The following GPM6A variants were observed in gnomAD, a reference collection of about 807,000 sequenced individuals.
GPM6A encodes neuronal membrane glycoprotein M6-a.
In GPM6A, 7 loss-of-function variants were observed where a neutral mutation model predicts 32.1. The observed-to-expected ratio is 0.22, with a 90% CI of 0.12 to 0.41. The LOEUF (loss-of-function observed/expected upper bound fraction) is 0.41. Ranked by LOEUF, GPM6A falls within the 10% of genes least tolerant of loss-of-function variation. The probability of loss-of-function intolerance (pLI) is 1.00; values close to 1 mark genes in which losing one functional copy is unlikely to be tolerated. For missense variants in GPM6A, 235 were observed against 347.2 expected (o/e 0.68, Z 2.57); for synonymous variants, 130 against 123.4 (o/e 1.05, Z -0.35).
chr4:175,914,088 G>T (rs1384352143), intron 1 of GPM6A, among the ~76,000 whole-genome samples: 1 of 151,894 alleles, frequency 6.6e-6, no homozygotes, highest in African/African-American at 2.4e-5. Context: ...CCCTAAGAGG[G>T]TTTTTAGGGC....
intron 1 of GPM6A, among the ~76,000 whole-genome samples, chr4:175,828,737 A>G (rs891344459): frequency 2.6e-5 from 4 of 152,184 alleles, no homozygotes; most frequent in African/African-American, 9.7e-5. Flanking sequence ...AAGTAGACTT[A>G]TAGAACCCAT....
At chr4:175,637,673 TA>T (rs1162391241) in intron 6 of GPM6A, among the ~76,000 whole-genome samples, 1,660 of 4,260 alleles carry the variant, frequency 0.39, 99 homozygotes, top group African/African-American at 0.47. Context: ...ATAATATATA[TA>T]ATATATATAT....
chr4:175,648,250 G>A (rs1181459635), intron 4 of GPM6A, among the ~76,000 whole-genome samples: 2 of 152,130 alleles, frequency 1.3e-5, no homozygotes, highest in African/African-American at 4.8e-5. Context: ...ACAAAGAAAT[G>A]GATGTGTATC....
chr4:175,753,834 C>T (rs905791763), intron 1 of GPM6A, among the ~76,000 whole-genome samples: 5 of 152,034 alleles, frequency 3.3e-5, no homozygotes, highest in Non-Finnish European at 5.9e-5. Flanking sequence ...ATGTTAATGT[C>T]CAACAATTTG....
chr4:175,967,179 C>T (rs201308195), intron 1 of GPM6A, among the ~76,000 whole-genome samples: 1 of 152,106 alleles, frequency 6.6e-6, no homozygotes, highest in East Asian at 1.9e-4. Context: ...CATCACATCA[C>T]AAAGCCAAAG....
chr4:175,816,302 A>G (rs1735098648), upstream of GPM6A, among the ~76,000 whole-genome samples: 1 of 152,202 alleles, frequency 6.6e-6, no homozygotes, highest in African/African-American at 2.4e-5. Flanking sequence ...TTTATAATGT[A>G]TATTACTTTT....
At chr4:175,920,683 A>C (rs1738636776) in intron 1 of GPM6A, among the ~76,000 whole-genome samples, 1 of 152,042 alleles carries the variant, frequency 6.6e-6, no homozygotes, top group African/African-American at 2.4e-5. Context: ...CCCCGTCTTT[A>C]CTAAAAATGC....
At chr4:175,655,133 T>C (rs1338461151) in intron 3 of GPM6A, among the ~76,000 whole-genome samples, 1 of 152,122 alleles carries the variant, frequency 6.6e-6, no homozygotes, top group Non-Finnish European at 1.5e-5. Context: ...TGAGCTATGT[T>C]ACAGCAAATT....
At chr4:175,896,187 A>T (rs1737789326) in intron 1 of GPM6A, among the ~76,000 whole-genome samples, 2 of 152,108 alleles carry the variant, frequency 1.3e-5, no homozygotes, top group Non-Finnish European at 1.5e-5. Context: ...ACATTTCAGG[A>T]TGATGAAGTC....
chr4:175,928,057 C>T (rs60074638), intron 1 of GPM6A, among the ~76,000 whole-genome samples: 8 of 151,878 alleles, frequency 5.3e-5, no homozygotes, highest in South Asian at 2.1e-4. Flanking sequence ...TTAAGGAGGA[C>T]GTGAAACTGC....
chr4:175,714,433 G>A (rs1243093823), intron 1 of GPM6A, among the ~76,000 whole-genome samples: 1 of 151,870 alleles, frequency 6.6e-6, no homozygotes, highest in Non-Finnish European at 1.5e-5. Context: ...GCCCAGGCTG[G>A]AGTGCAGTGG....
At chr4:175,743,798 G>A (rs546367861) in intron 1 of GPM6A, among the ~76,000 whole-genome samples, 12 of 151,942 alleles carry the variant, frequency 7.9e-5, no homozygotes, top group Admixed American at 3.9e-4. Flanking sequence ...ACATTTCATC[G>A]ACAGGCTTAA....
chr4:175,897,818 T>G (rs568356642), intron 1 of GPM6A, among the ~76,000 whole-genome samples: 1 of 152,294 alleles, frequency 6.6e-6, no homozygotes, highest in Admixed American at 6.5e-5. Context: ...AAGAATAAAA[T>G]CAGCCTAGAT....
chr4:175,856,932 C>A (rs888379195), intron 1 of GPM6A, among the ~76,000 whole-genome samples: 1 of 152,004 alleles, frequency 6.6e-6, no homozygotes, highest in Non-Finnish European at 1.5e-5. Context: ...AGGTAGCATT[C>A]GGGCAGGAAA....
chr4:175,857,029 A>G (rs953928153), intron 1 of GPM6A, among the ~76,000 whole-genome samples: 1 of 152,094 alleles, frequency 6.6e-6, no homozygotes, highest in Non-Finnish European at 1.5e-5. Context: ...TCTACCCAGT[A>G]TTTCCCTGCT....
chr4:175,677,805 A>G (rs1225426073), intron 2 of GPM6A, among the ~76,000 whole-genome samples: 1 of 152,160 alleles, frequency 6.6e-6, no homozygotes, highest in East Asian at 1.9e-4. Flanking sequence ...AGCCTATATT[A>G]AAGAAATCCT....
intron 1 of GPM6A, among the ~76,000 whole-genome samples, chr4:175,958,766 G>A (rs1275678879): frequency 6.6e-6 from 1 of 152,144 alleles, no homozygotes; most frequent in Non-Finnish European, 1.5e-5. Context: ...TCCAAAAGGA[G>A]GCATAGTTTA....
intron 1 of GPM6A, among the ~76,000 whole-genome samples, chr4:175,889,642 T>C (rs574991490): frequency 1.3e-5 from 2 of 151,882 alleles, no homozygotes; most frequent in South Asian, 4.2e-4. Context: ...TGAAACCCCG[T>C]CTCTACTAAA....
intron 1 of GPM6A, among the ~76,000 whole-genome samples, chr4:175,732,433 T>C (rs1219145753): frequency 1.3e-5 from 2 of 152,206 alleles, no homozygotes; most frequent in East Asian, 3.8e-4. Context: ...TTTTAAAAGA[T>C]GAAAGACTTT....
Sources: allele counts gnomAD v4.1 joint callset (sites outside exome capture counted in the v4.1 genomes callset), GRCh38; gene constraint gnomAD v4.1.1; transcripts MANE v1.5; gene names NCBI Gene and HGNC (gene_info 2026-07-23, HGNC 2026-07-21).